The following SORCS3 variants were observed in gnomAD, a reference collection of about 807,000 sequenced individuals.
The protein encoded by SORCS3 is sortilin related VPS10 domain containing receptor 3.
Under a neutral mutation model 146.3 loss-of-function variants are expected in SORCS3, and 57 were observed. That is an observed-to-expected ratio of 0.39 (90% CI 0.31 to 0.49). The LOEUF (loss-of-function observed/expected upper bound fraction) is 0.49. SORCS3 is among the 20% of genes least tolerant of loss of function. SORCS3 has a pLI of 0.92. For synonymous variants in SORCS3, 653 were observed against 618.5 expected, an observed-to-expected ratio of 1.06 and a Z score of -0.83; for missense variants, 1,341 against 1,575.5, an observed-to-expected ratio of 0.85 and a Z score of 2.52.
chr10:104,818,360 TCTTCCTTCCTTC>T (rs34389949), intron 1 of SORCS3, among the ~76,000 whole-genome samples: 1,886 of 139,822 alleles, frequency 0.013, 43 homozygotes, highest in African/African-American at 0.047. Context: ...TCTTCTCCTT[TCTTCCTTCCTTC>T]CTTCCTTCCT....
chr10:105,113,817 AAAG>A lies in SORCS3; in HGVS notation c.1212+8306_1212+8308del, dbSNP rs554122876. On this transcript the variant is annotated intron_variant, in intron 7 of 26. Coordinates refer to ENST00000369701, the MANE Select transcript of SORCS3 (RefSeq NM_014978.3). The stretch of plus-strand genomic sequence containing the variant: ...GACCTGGGGTTTTGTAGCAAAATCA[AAAG>A]AAGCTAATCCTTCCCAGAAGAGCCC... Among the ~76,000 whole-genome samples the A allele has an allele frequency of 2.4e-3, 368 of 152,274 alleles. 1 individual carries two copies. Among genetic ancestry groups the A allele is most frequent in the Middle Eastern group, 0.01 (3 of 294 alleles).
intron 1 of SORCS3, among the ~76,000 whole-genome samples, chr10:104,762,738 C>A (rs1218472981): frequency 4.6e-5 from 7 of 152,318 alleles, no homozygotes; most frequent in Non-Finnish European, 1.0e-4. Flanking sequence ...CTTGCTCGCT[C>A]TCCTGGTGCC....
chr10:104,772,473 G>GTCA (rs1412034111), intron 1 of SORCS3, among the ~76,000 whole-genome samples: 3 of 152,208 alleles, frequency 2.0e-5, no homozygotes, highest in Admixed American at 1.3e-4. Context: ...CCAAATCTCT[G>GTCA]TCATTTTCTT....
chr10:104,816,194 G>A lies in SORCS3; in HGVS notation c.628-26598G>A, dbSNP rs553049206. 1.2e-3 allele frequency among the ~76,000 whole-genome samples: 188 copies of A among 152,248 alleles called. 1 individual carries two copies. Among genetic ancestry groups the A allele is most frequent in the South Asian group, 7.1e-3 (34 of 4,818 alleles). On this transcript the variant is annotated intron_variant, in intron 1 of 26. Coordinates refer to ENST00000369701, the MANE Select transcript of SORCS3 (RefSeq NM_014978.3). The stretch of plus-strand genomic sequence containing the variant: ...AGGTCTGGGCCAGCATACAGTATTC[G>A]CAGGAGGATATGGGAATATCTGTTT...
intron 4 of SORCS3, among the ~76,000 whole-genome samples, chr10:105,026,808 T>A (rs563692155): frequency 2.0e-5 from 3 of 152,154 alleles, no homozygotes; most frequent in African/African-American, 7.2e-5. Context: ...ATGGGAACAA[T>A]ATATACTGCG....
intron 4 of SORCS3, among the ~76,000 whole-genome samples, chr10:105,028,714 G>A (rs1257189737): frequency 6.6e-6 from 1 of 152,098 alleles, no homozygotes; most frequent in East Asian, 1.9e-4. Context: ...GGATTAACTG[G>A]GATGATGCAA....
At chr10:104,674,775 GT>G (rs1055745709) in intron 1 of SORCS3, among the ~76,000 whole-genome samples, 1 of 152,060 alleles carries the variant, frequency 6.6e-6, no homozygotes, top group South Asian at 2.1e-4. Context: ...TTTGTTAAGG[GT>G]TTTTTTCAAT....
intron 4 of SORCS3, among the ~76,000 whole-genome samples, chr10:104,994,855 G>A (rs2133666291): frequency 6.6e-6 from 1 of 152,174 alleles, no homozygotes; most frequent in Non-Finnish European, 1.5e-5. Context: ...CATGTTAACG[G>A]GCATTTGGAT....
intron 11 of SORCS3, among the ~76,000 whole-genome samples, chr10:105,162,911 A>T (rs1387525020): frequency 1.3e-5 from 2 of 152,106 alleles, no homozygotes; most frequent in Non-Finnish European, 1.5e-5. Context: ...AAAACCAAAG[A>T]ATCCTTCTTA....
chr10:104,736,697 C>T (rs559906511), intron 1 of SORCS3, among the ~76,000 whole-genome samples: 13 of 151,628 alleles, frequency 8.6e-5, no homozygotes, highest in Admixed American at 6.6e-4. Context: ...AGCAGGTGAA[C>T]CTTTTCTTTT....
At chr10:104,974,713 G>T (rs377378087) in intron 3 of SORCS3, among the ~76,000 whole-genome samples, 8,963 of 151,998 alleles carry the variant, frequency 0.059, 254 homozygotes, top group African/African-American at 0.074. Flanking sequence ...TTAATATTGT[G>T]ATGTGTGAAT....
chr10:105,015,176 T>TA (rs2055157860), intron 4 of SORCS3, among the ~76,000 whole-genome samples: 1 of 152,188 alleles, frequency 6.6e-6, no homozygotes, highest in African/African-American at 2.4e-5. Flanking sequence ...ATGTCCTGGG[T>TA]AGCAGTGTAG....
At chr10:105,067,859 C>T (rs1205898077) in intron 5 of SORCS3, among the ~76,000 whole-genome samples, 1 of 151,936 alleles carries the variant, frequency 6.6e-6, no homozygotes, top group Non-Finnish European at 1.5e-5. Flanking sequence ...CCTTCCTGAC[C>T]ATCCTCTGCT....
At position 104,906,205 on chromosome 10, in the gene SORCS3, G is replaced by A. The variant is rs143267313; in HGVS notation, c.696-9628G>A. Reference sequence around the variant, plus strand: ...CTAAAACTGTCCAGCACCTGCTAGTGTAGGCCTCATTATTTTTTTCCCCAG... The same window carrying A: ...CTAAAACTGTCCAGCACCTGCTAGTATAGGCCTCATTATTTTTTTCCCCAG... On this transcript the variant is annotated intron_variant, in intron 2 of 26. Transcript: ENST00000369701. Among the ~76,000 whole-genome samples the A allele has an allele frequency of 5.6e-3, 848 of 152,300 alleles. 14 individuals are homozygous for A. The highest frequency in any genetic ancestry group is 0.019 in the African/African-American group (787 of 41,566).
chr10:105,262,158 C>CTTTGTG (rs2119776365), intron 25 of SORCS3, among the ~76,000 whole-genome samples, 173 bp from the exon 26 acceptor site: 1 of 152,272 alleles, frequency 6.6e-6, no homozygotes, highest in East Asian at 1.9e-4. Flanking sequence ...TCCTAGCTGG[C>CTTTGTG]TTTGTGTTCC....
At chr10:104,767,430 C>A (rs1176424736) in intron 1 of SORCS3, among the ~76,000 whole-genome samples, 1 of 152,136 alleles carries the variant, frequency 6.6e-6, no homozygotes, top group Non-Finnish European at 1.5e-5. Flanking sequence ...ACAGGCTAAG[C>A]CTTACCTCCT....
intron 1 of SORCS3, among the ~76,000 whole-genome samples, chr10:104,700,938 TA>T (rs2016273071): frequency 6.6e-6 from 1 of 152,212 alleles, no homozygotes. Flanking sequence ...GAATTCCAGT[TA>T]AAGTTATTCA....
At chr10:104,967,835 T>A (rs182321348) in intron 3 of SORCS3, among the ~76,000 whole-genome samples, 100 of 151,914 alleles carry the variant, frequency 6.6e-4, no homozygotes, top group African/African-American at 2.4e-3. Context: ...ATTTTTTTTT[T>A]TTTTGATAGA....
chr10:104,851,367 C>T (rs1225896170), intron 2 of SORCS3, among the ~76,000 whole-genome samples: 1 of 152,132 alleles, frequency 6.6e-6, no homozygotes, highest in East Asian at 1.9e-4. Context: ...ATTCCCTTTC[C>T]TCCAAATGCA....
Sources: allele counts gnomAD v4.1 joint callset (sites outside exome capture counted in the v4.1 genomes callset), GRCh38; gene constraint gnomAD v4.1.1; transcripts MANE v1.5; gene names NCBI Gene and HGNC (gene_info 2026-07-23, HGNC 2026-07-21).